HACE1: variants seen among roughly 807,000 people sequenced by gnomAD.
HACE1 encodes the protein E3 ubiquitin-protein ligase HACE1.
Under a neutral mutation model 118.4 loss-of-function variants are expected in HACE1, and 73 were observed. That is an observed-to-expected ratio of 0.62 (90% CI 0.51 to 0.75). HACE1 has a LOEUF of 0.75. HACE1 is among the 30% of genes least tolerant of loss of function. HACE1 has a pLI of 0.00. For synonymous variants in HACE1, 368 were observed against 374.8 expected (o/e 0.98, Z 0.21); for missense variants, 749 against 1,102.2 (o/e 0.68, Z 4.54).
At chr6:104,811,520 G>A (rs1216847999) in intron 6 of HACE1, 127 bp from the exon 7 acceptor site, 3 of 602,066 alleles carry the variant, frequency 5.0e-6, no homozygotes, top group African/African-American at 1.9e-5. Flanking sequence ...AACTGAGTGG[G>A]CACGTGACAA....
rs1261904395 is a variant in HACE1, at chr6:104,837,772, T to C, written c.403-4599A>G. On this transcript the variant is annotated intron_variant, in intron 5 of 23. Coordinates refer to ENST00000262903, the MANE Select transcript of HACE1 (RefSeq NM_020771.4). Reference sequence around the variant, plus strand: ...CGGACATTCATATTAGAAAGAAAGATGTCAAATTATTCTTGTCTGCAGATG... The same window carrying C: ...CGGACATTCATATTAGAAAGAAAGACGTCAAATTATTCTTGTCTGCAGATG... Among the ~76,000 whole-genome samples the C allele has an allele frequency of 5.9e-5, 9 of 152,256 alleles. No individual in the cohort carries two copies. The South Asian group carries it at 1.7e-3, about 28-fold the overall frequency.
intron 23 of HACE1, 48 bp downstream of exon 23, chr6:104,730,255 T>A (rs1266829484): frequency 2.2e-6 from 2 of 927,470 alleles, no homozygotes; most frequent in East Asian, 4.8e-5. Flanking sequence ...TCATTCAAAA[T>A]TAATCAAAAC....
At chr6:104,764,382 C>T (rs1779743008) in intron 19 of HACE1, among the ~76,000 whole-genome samples, 1 of 152,086 alleles carries the variant, frequency 6.6e-6, no homozygotes, top group South Asian at 2.1e-4. Context: ...CCGGCCTGTA[C>T]ATTATTTTAT....
chr6:104,756,692 T>A (rs1368666574), intron 19 of HACE1, among the ~76,000 whole-genome samples: 1 of 151,732 alleles, frequency 6.6e-6, no homozygotes, highest in Admixed American at 6.6e-5. Flanking sequence ...TTGGGACTGG[T>A]TGGACAGTGG....
At chr6:104,779,699 C>G (rs768095791) in intron 14 of HACE1, among the ~76,000 whole-genome samples, 8 of 152,052 alleles carry the variant, frequency 5.3e-5, no homozygotes, top group Non-Finnish European at 8.8e-5. Flanking sequence ...GTCAGATAAA[C>G]ATGGTTTGAA....
At chr6:104,787,994 G>A (rs1156579013) in intron 11 of HACE1, among the ~76,000 whole-genome samples, 1 of 151,838 alleles carries the variant, frequency 6.6e-6, no homozygotes. Context: ...CCAACCTTGA[G>A]GTGAGTTTAC....
At chr6:104,857,196 T>C (rs950348046) in intron 1 of HACE1, among the ~76,000 whole-genome samples, 2 of 142,618 alleles carry the variant, frequency 1.4e-5, no homozygotes, top group Admixed American at 7.1e-5. Flanking sequence ...TTTACATATA[T>C]ATTTACATAT....
At chr6:104,738,567 A>C (rs1414429203) in intron 22 of HACE1, among the ~76,000 whole-genome samples, 2 of 149,580 alleles carry the variant, frequency 1.3e-5, no homozygotes, top group African/African-American at 5.1e-5. Context: ...AAAGGGTATC[A>C]GCGATGGAAG....
At chr6:104,740,213 C>G (rs1181157629) in intron 22 of HACE1, among the ~76,000 whole-genome samples, 36 of 145,422 alleles carry the variant, frequency 2.5e-4, no homozygotes, top group Admixed American at 1.4e-3. Context: ...CAAGAGAAAG[C>G]AGGAAAGATC....
intron 19 of HACE1, among the ~76,000 whole-genome samples, chr6:104,766,487 C>T (rs1291023078): frequency 6.6e-6 from 1 of 152,124 alleles, no homozygotes; most frequent in East Asian, 1.9e-4. Context: ...ATAAAGAATC[C>T]ACTTTAAGTC....
At chr6:104,816,702 C>T (rs1378226848) in intron 6 of HACE1, among the ~76,000 whole-genome samples, 1 of 152,102 alleles carries the variant, frequency 6.6e-6, no homozygotes, top group Non-Finnish European at 1.5e-5. Context: ...GGGCCACCAC[C>T]CCCCAGACCC....
Position 104,777,082 on chromosome 6 carries a change from A to G in HACE1, c.1707T>C (p.Val569=). ...RDSIFRSSCE[V]VSKANCAKLK... ...GCTTTGCACAATTTGCTTTTGACAC[A>G]ACTTCACAGCTACTCCTAAAAATAG... The change falls in exon 16 of 24, where the codon GTT becomes GTC. Residue 569 remains valine (V), a synonymous_variant. Coordinates refer to ENST00000262903, the MANE Select transcript of HACE1 (RefSeq NM_020771.4). 6.2e-7 allele frequency: 1 copy of G among 1,611,854 alleles called. No homozygotes were observed. Among genetic ancestry groups the G allele is most frequent in the Middle Eastern group, 1.7e-4 (1 of 5,960 alleles).
chr6:104,839,336 T>C (rs551069136), intron 5 of HACE1, among the ~76,000 whole-genome samples: 1 of 152,330 alleles, frequency 6.6e-6, no homozygotes, highest in South Asian at 2.1e-4. Context: ...TGGAATACTA[T>C]TCAGCATTAT....
chr6:104,787,846 T>C (rs1782608168), intron 11 of HACE1, among the ~76,000 whole-genome samples: 2 of 152,188 alleles, frequency 1.3e-5, no homozygotes, highest in Non-Finnish European at 2.9e-5. Context: ...CCAGAGTTTT[T>C]AATAAAGGAA....
At chr6:104,850,327 G>C (rs1562510050) in intron 3 of HACE1, among the ~76,000 whole-genome samples, 1 of 152,062 alleles carries the variant, frequency 6.6e-6, no homozygotes, top group Non-Finnish European at 1.5e-5. Context: ...TTTCAAGATG[G>C]TCCATTCTAC....
chr6:104,802,196 G>A (rs1021673120), intron 7 of HACE1, among the ~76,000 whole-genome samples: 1 of 152,124 alleles, frequency 6.6e-6, no homozygotes, highest in African/African-American at 2.4e-5. Context: ...ACTCAACACA[G>A]GAGCACGCAG....
chr6:104,762,724 C>A (rs1338619870), intron 19 of HACE1, among the ~76,000 whole-genome samples: 3 of 152,036 alleles, frequency 2.0e-5, no homozygotes, highest in Non-Finnish European at 4.4e-5. Flanking sequence ...GGCGCGGTAG[C>A]TCACACCTGT....
chr6:104,848,140 CATA>C (rs1317953714), intron 4 of HACE1, among the ~76,000 whole-genome samples: 2 of 151,316 alleles, frequency 1.3e-5, no homozygotes, highest in African/African-American at 4.8e-5. Flanking sequence ...GCCTGGACTC[CATA>C]AAGAAGTTTT....
intron 5 of HACE1, among the ~76,000 whole-genome samples, chr6:104,839,652 CACAAGT>C (rs1416741986): frequency 6.6e-6 from 1 of 152,120 alleles, no homozygotes; most frequent in African/African-American, 2.4e-5. Context: ...AGGTAACCTA[CACAAGT>C]AATAAAAATG....
Sources: allele counts gnomAD v4.1 joint callset (sites outside exome capture counted in the v4.1 genomes callset), GRCh38; gene constraint gnomAD v4.1.1; transcripts MANE v1.5; gene names NCBI Gene and HGNC (gene_info 2026-07-23, HGNC 2026-07-21).